PRDM6: variants seen among roughly 807,000 people sequenced by gnomAD.
PRDM6 encodes PR/SET domain 6.
Under a neutral mutation model 60.8 loss-of-function variants are expected in PRDM6, and 25 were observed. The observed-to-expected ratio is 0.41, with a 90% confidence interval of 0.30 to 0.57. PRDM6 has a LOEUF of 0.57. Among genes scored for constraint, PRDM6 ranks in the 20% least tolerant of loss-of-function variants. The probability of loss-of-function intolerance (pLI) is 0.27; values close to 1 mark genes in which losing one functional copy is unlikely to be tolerated. For missense variants in PRDM6, 839 were observed against 821.3 expected (o/e 1.02, Z -0.26); for synonymous variants, 407 against 357.4 (o/e 1.14, Z -1.57).
chr5:123,109,710 A>G (rs535957248), intron 3 of PRDM6, among the ~76,000 whole-genome samples: 1 of 152,350 alleles, frequency 6.6e-6, no homozygotes, highest in South Asian at 2.1e-4. Flanking sequence ...AAGGATGACT[A>G]CAAATGTTGG....
At chr5:123,123,212 G>A (rs429302) in intron 3 of PRDM6, among the ~76,000 whole-genome samples, 142,994 of 152,306 alleles carry the variant, frequency 0.94, 67,141 homozygotes, top group East Asian at 0.99. Context: ...TAAACCATTT[G>A]TATATCTTTT....
chr5:123,104,347 T>C (rs1019401105), intron 3 of PRDM6, among the ~76,000 whole-genome samples: 1 of 152,134 alleles, frequency 6.6e-6, no homozygotes, highest in African/African-American at 2.4e-5. Context: ...ATATATACAG[T>C]ACTATACCCA....
rs1766431054 is a variant in PRDM6, at chr5:123,191,479, A to C, written c.*4278A>C. 6.6e-6 allele frequency: 1 copy of C among 152,140 alleles called. No individual in the cohort carries two copies. The highest frequency in any genetic ancestry group is 6.5e-5 in the Admixed American group (1 of 15,272). 9.4% of individuals were successfully genotyped at this position (152,140 alleles called of 1,614,324 possible). A position where few individuals can be genotyped will look rare whatever the true frequency, so the allele number is the denominator to read the frequency against. Reference sequence around the variant, plus strand: ...AGAAATAAATAATCACATTTCCTGAAATGTTTATCTGTTTCTTCCTTGACA... The same window carrying C: ...AGAAATAAATAATCACATTTCCTGACATGTTTATCTGTTTCTTCCTTGACA... On this transcript the variant is annotated 3_prime_UTR_variant, in exon 8 of 8. Coordinates refer to ENST00000407847, the MANE Select transcript of PRDM6 (RefSeq NM_001136239.4).
chr5:123,143,226 A>G (rs1453006270), intron 3 of PRDM6, among the ~76,000 whole-genome samples: 2 of 151,264 alleles, frequency 1.3e-5, no homozygotes, highest in Non-Finnish European at 3.0e-5. Context: ...AATAAAAACT[A>G]TGAACCTTCT....
In PRDM6 at chr5:123,193,008, C is replaced by A. The variant is rs1165048505; in HGVS notation, c.*5807C>A. The stretch of plus-strand genomic sequence containing the variant: ...GTTCTGGGGCACAATCTAGATGAAA[C>A]TGTGAGGTTTGTTCAAAAAGTAAGT... On this transcript the variant is annotated 3_prime_UTR_variant, in exon 8 of 8. Transcript: ENST00000407847. The A allele has an allele frequency of 2.0e-5, 3 of 152,176 alleles. No individual in the cohort carries two copies. The highest frequency in any genetic ancestry group is 4.4e-5 in the Non-Finnish European group (3 of 68,040). The allele number at this position is 152,176 out of a possible 1,614,324, so 9.4% of individuals were successfully genotyped here.
At chr5:123,156,111 A>G in intron 4 of PRDM6, 100 bp downstream of exon 4, 1 of 1,178,012 alleles carries the variant, frequency 8.5e-7, no homozygotes, top group Non-Finnish European at 1.2e-6. Context: ...ATCCTGCAGA[A>G]CTCTGCAAGG....
chr5:123,090,930 C>T (rs896969425), intron 2 of PRDM6, among the ~76,000 whole-genome samples: 3 of 152,176 alleles, frequency 2.0e-5, no homozygotes, highest in Non-Finnish European at 4.4e-5. Context: ...GCCCTCCCGC[C>T]GGACAGTGCC....
intron 3 of PRDM6, among the ~76,000 whole-genome samples, chr5:123,110,663 G>A (rs1258764004): frequency 6.6e-6 from 1 of 150,406 alleles, no homozygotes; most frequent in Admixed American, 6.6e-5. Flanking sequence ...CGCCTCCCGG[G>A]TTCAAGCTAT....
intron 3 of PRDM6, among the ~76,000 whole-genome samples, chr5:123,115,859 TC>T (rs1434285558): frequency 1.3e-5 from 2 of 152,260 alleles, no homozygotes; most frequent in East Asian, 3.9e-4. Context: ...CCCTGATCCC[TC>T]TCTCCTCATT....
intron 2 of PRDM6, among the ~76,000 whole-genome samples, chr5:123,093,749 T>C (rs184377244): frequency 1.3e-5 from 2 of 152,196 alleles, no homozygotes; most frequent in East Asian, 3.8e-4. Context: ...TTCTGGGAGC[T>C]GGTGCGTTGC....
At chr5:123,151,420 A>G (rs749419911) in intron 3 of PRDM6, among the ~76,000 whole-genome samples, 1 of 152,150 alleles carries the variant, frequency 6.6e-6, no homozygotes, top group Non-Finnish European at 1.5e-5. Context: ...AGCTCTCTTC[A>G]GGATATTTAC....
At chr5:123,098,561 T>C (rs1162969565) in intron 2 of PRDM6, among the ~76,000 whole-genome samples, 1 of 152,160 alleles carries the variant, frequency 6.6e-6, no homozygotes, top group African/African-American at 2.4e-5. Flanking sequence ...AGTGGAGGGA[T>C]ACTGGGCGCC....
At chr5:123,181,593 T>G (rs1480991497) in intron 7 of PRDM6, among the ~76,000 whole-genome samples, 1 of 152,186 alleles carries the variant, frequency 6.6e-6, no homozygotes, top group Non-Finnish European at 1.5e-5. Context: ...CTCTACTGGC[T>G]TTTTCTGTTT....
At chr5:123,111,697 CAAAACAAAACAAAAA>C (rs1200933637) in intron 3 of PRDM6, among the ~76,000 whole-genome samples, 7 of 77,306 alleles carry the variant, frequency 9.1e-5, no homozygotes, top group African/African-American at 2.8e-4. Flanking sequence ...GAAAACAAAA[CAAAACAAAACAAAAA>C]AAAAACAAAA....
In PRDM6 at chr5:123,170,849, A is replaced by C. The variant is rs1765872023; in HGVS notation, c.1237A>C (p.Thr413Pro). The change falls in exon 6 of 8, where the codon ACC becomes CCC. Residue 413 changes from threonine (T) to proline (P), a missense_variant. Thr to Pro is a conservative substitution (Grantham distance 38). This residue lies in a region of PRDM6 where 730 missense variants were observed against 648.8 expected (regional missense o/e 1.13). Transcript: ENST00000407847. ...CAACAAAAGCAGCAAACTCGCCCCT[A>C]CCACCCAGCAGCGCTCCGTTGTTTT... The part of the protein sequence containing the change: ...PFNKSSKLAP[T>P]TQQRSVVFPQ... The C allele has an allele frequency of 6.4e-7, 1 of 1,552,152 alleles. No homozygotes were observed. Among genetic ancestry groups the C allele is most frequent in the Non-Finnish European group, 8.7e-7 (1 of 1,147,092 alleles).
At chr5:123,092,631 G>T (rs938274364) in intron 2 of PRDM6, among the ~76,000 whole-genome samples, 2 of 152,076 alleles carry the variant, frequency 1.3e-5, no homozygotes, top group African/African-American at 2.4e-5. Context: ...TAATCTTCTG[G>T]TATCTCCTTT....
chr5:123,128,901 AAC>A (rs1764755020), intron 3 of PRDM6, among the ~76,000 whole-genome samples: 1 of 152,212 alleles, frequency 6.6e-6, no homozygotes. Flanking sequence ...TTTTAGGTCT[AAC>A]ATGTAAGTCT....
intron 3 of PRDM6, among the ~76,000 whole-genome samples, chr5:123,147,892 T>A (rs1489464641): frequency 6.6e-6 from 1 of 152,202 alleles, no homozygotes; most frequent in African/African-American, 2.4e-5. Flanking sequence ...CAGAGATAAG[T>A]GGAATTCACC....
At chr5:123,114,446 C>T (rs556560401) in intron 3 of PRDM6, among the ~76,000 whole-genome samples, 1 of 152,346 alleles carries the variant, frequency 6.6e-6, no homozygotes, top group South Asian at 2.1e-4. Flanking sequence ...CAGGTCTTCA[C>T]CACCCTTTCC....
Sources: allele counts gnomAD v4.1 joint callset (sites outside exome capture counted in the v4.1 genomes callset), GRCh38; gene constraint gnomAD v4.1.1; regional missense constraint gnomAD v4.1.1; transcripts MANE v1.5; gene names NCBI Gene and HGNC (gene_info 2026-07-23, HGNC 2026-07-21).